MGAT5: variants seen among roughly 807,000 people sequenced by gnomAD.
The protein encoded by MGAT5 is alpha-1,6-mannosylglycoprotein 6-beta-N-acetylglucosaminyltransferase A.
Under a neutral mutation model 94.3 loss-of-function variants are expected in MGAT5, and 30 were observed. That is an observed-to-expected ratio of 0.32 (90% confidence interval 0.24 to 0.43). The LOEUF (loss-of-function observed/expected upper bound fraction) is 0.43. Ranked by LOEUF, MGAT5 falls within the 20% of genes least tolerant of loss-of-function variation. The pLI, the probability that MGAT5 is intolerant of heterozygous loss-of-function variation, is 1.00. For synonymous variants in MGAT5, 310 were observed against 322.9 expected, an observed-to-expected ratio of 0.96 and a Z score of 0.43; for missense variants, 691 against 905.5, an observed-to-expected ratio of 0.76 and a Z score of 3.04.
At chr2:134,315,880 C>G (rs1179496346) in intron 2 of MGAT5, among the ~76,000 whole-genome samples, 1 of 152,146 alleles carries the variant, frequency 6.6e-6, no homozygotes, top group African/African-American at 2.4e-5. Context: ...ATACTTGAAT[C>G]AAGAGGTCAA....
At chr2:134,153,217 G>A (rs1273798984) in intron 1 of MGAT5, among the ~76,000 whole-genome samples, 2 of 152,112 alleles carry the variant, frequency 1.3e-5, no homozygotes, top group African/African-American at 4.8e-5. Flanking sequence ...ACCACGCCGG[G>A]CCAGAGTCCA....
chr2:134,344,984 A>G lies in MGAT5; in HGVS notation c.1032A>G (p.Arg344=). The G allele has an allele frequency of 6.2e-7, 1 of 1,613,644 alleles. No homozygotes were observed. The highest frequency in any genetic ancestry group is 2.2e-5 in the East Asian group (1 of 44,840). The stretch of plus-strand genomic sequence containing the variant: ...CTGGCTGCCCAACTGTAGGAGACAG[A>G]ATTGTTGAGCTCATTTACATTGATA... ...NRSGCPTVGD[R]IVELIYIDIV... is the part of the protein sequence containing the mutation. Residue 344 remains arginine, a synonymous_variant, in exon 8 of 16, where the codon AGA becomes AGG. Transcript: ENST00000281923.
At chr2:134,348,355 A>G (rs1437776521) in intron 8 of MGAT5, among the ~76,000 whole-genome samples, 2 of 152,164 alleles carry the variant, frequency 1.3e-5, no homozygotes, top group South Asian at 2.1e-4. Context: ...CCACACAAGA[A>G]TCTAAGACAG....
chr2:134,281,837 A>T (rs777996750), intron 2 of MGAT5, among the ~76,000 whole-genome samples: 5 of 152,254 alleles, frequency 3.3e-5, no homozygotes, highest in Non-Finnish European at 5.9e-5. Context: ...AGTGTGGTTA[A>T]TGTGAACAGT....
chr2:134,358,588 A>C (rs2106095668), intron 9 of MGAT5, among the ~76,000 whole-genome samples: 1 of 152,246 alleles, frequency 6.6e-6, no homozygotes, highest in South Asian at 2.1e-4. Context: ...GAATGGGCCC[A>C]GGCTGGCGCT....
intron 1 of MGAT5, among the ~76,000 whole-genome samples, chr2:134,164,081 T>C (rs1051908569): frequency 6.6e-6 from 1 of 152,234 alleles, no homozygotes; most frequent in Non-Finnish European, 1.5e-5. Flanking sequence ...TACCACTCCA[T>C]GTGCCTCACT....
intron 2 of MGAT5, among the ~76,000 whole-genome samples, chr2:134,315,435 A>G (rs1183124000): frequency 6.6e-6 from 1 of 152,248 alleles, no homozygotes; most frequent in Non-Finnish European, 1.5e-5. Flanking sequence ...AATAATGGTC[A>G]TTGCAAAATA....
At chr2:134,189,605 T>TTGTTTTGTTTTG (rs761974546) in intron 1 of MGAT5, among the ~76,000 whole-genome samples, 1 of 106,620 alleles carries the variant, frequency 9.4e-6, no homozygotes, top group African/African-American at 4.4e-5. Flanking sequence ...TTTTTTTGTT[T>TTGTTTTGTTTTG]TTTTTTTTTT....
chr2:134,242,582 G>A (rs548193175), intron 1 of MGAT5, among the ~76,000 whole-genome samples: 1 of 152,340 alleles, frequency 6.6e-6, no homozygotes, highest in South Asian at 2.1e-4. Flanking sequence ...TGCTTCTCAT[G>A]TGAAAACAAG....
chr2:134,231,167 T>A (rs1395879737), intron 1 of MGAT5: 2 of 152,134 alleles, frequency 1.3e-5, no homozygotes, highest in Admixed American at 1.3e-4. Context: ...GGGTTTCTTT[T>A]GGGTATGATA....
At chr2:134,248,855 G>A (rs1682429379) in intron 1 of MGAT5, among the ~76,000 whole-genome samples, 1 of 152,144 alleles carries the variant, frequency 6.6e-6, no homozygotes, top group Admixed American at 6.5e-5. Flanking sequence ...CTCCAGGGAT[G>A]TTGGATGGCC....
intron 1 of MGAT5, among the ~76,000 whole-genome samples, chr2:134,135,997 TAC>T (rs1311131741): frequency 6.6e-6 from 1 of 152,252 alleles, no homozygotes; most frequent in Non-Finnish European, 1.5e-5. Flanking sequence ...GGGAAAATAT[TAC>T]ACTTTCATTT....
At chr2:134,303,859 T>C (rs575272213) in intron 2 of MGAT5, among the ~76,000 whole-genome samples, 5 of 152,294 alleles carry the variant, frequency 3.3e-5, no homozygotes, top group African/African-American at 1.2e-4. Context: ...TGTAGCCTTT[T>C]GTTTGCTACC....
At chr2:134,294,272 G>A (rs1170809558) in intron 2 of MGAT5, among the ~76,000 whole-genome samples, 1 of 152,130 alleles carries the variant, frequency 6.6e-6, no homozygotes, top group Non-Finnish European at 1.5e-5. Flanking sequence ...TGGCAGTAAA[G>A]TAACTTTTTG....
At chr2:134,343,928 A>G (rs1400663425) in intron 7 of MGAT5, among the ~76,000 whole-genome samples, 1 of 152,130 alleles carries the variant, frequency 6.6e-6, no homozygotes, top group Non-Finnish European at 1.5e-5. Flanking sequence ...CTTAACAGAA[A>G]GGGTTTTCTG....
chr2:134,437,710 C>G (rs1283967712), intron 14 of MGAT5, among the ~76,000 whole-genome samples: 2 of 152,142 alleles, frequency 1.3e-5, no homozygotes, highest in African/African-American at 4.8e-5. Flanking sequence ...TATCCAGTTG[C>G]TCCTAAAGAA....
intron 1 of MGAT5, among the ~76,000 whole-genome samples, chr2:134,179,622 C>T (rs1434720358): frequency 1.3e-5 from 2 of 152,180 alleles, no homozygotes; most frequent in Non-Finnish European, 2.9e-5. Context: ...CAGGGTCACC[C>T]GTAGGATCGG....
chr2:134,200,679 C>T (rs1389835047), intron 1 of MGAT5, among the ~76,000 whole-genome samples: 1 of 152,132 alleles, frequency 6.6e-6, no homozygotes, highest in Non-Finnish European at 1.5e-5. Flanking sequence ...GTGAGCAAAA[C>T]AGATGAGTTC....
chr2:134,354,471 A>G (rs1332282947), intron 9 of MGAT5, among the ~76,000 whole-genome samples: 1 of 152,206 alleles, frequency 6.6e-6, no homozygotes, highest in African/African-American at 2.4e-5. Flanking sequence ...AGTGAAATGA[A>G]ATACGCTGGA....
Sources: allele counts gnomAD v4.1 joint callset (sites outside exome capture counted in the v4.1 genomes callset), GRCh38; gene constraint gnomAD v4.1.1; transcripts MANE v1.5; gene names NCBI Gene and HGNC (gene_info 2026-07-23, HGNC 2026-07-21).